CCDC60: variants seen among roughly 807,000 people sequenced by gnomAD.
The protein encoded by CCDC60 is coiled-coil domain containing 60.
A neutral mutation model predicts 63.5 loss-of-function variants in CCDC60; 54 were observed. The ratio of observed to expected loss-of-function variants is 0.85; its 90% CI spans 0.68 to 1.07. The LOEUF is 1.07. Among genes scored for constraint, CCDC60 ranks in the 50% least tolerant of loss-of-function variants. The probability of loss-of-function intolerance (pLI) is 0.00; values close to 1 mark genes in which losing one functional copy is unlikely to be tolerated. For missense variants in CCDC60, 651 were observed against 684.3 expected (o/e 0.95, Z 0.54); for synonymous variants, 206 against 238.8 (o/e 0.86, Z 1.27).
rs772611491 is a variant in CCDC60, at chr12:119,362,423, TA to T, written c.90+27160del. On this transcript the variant is annotated intron_variant, in intron 1 of 13. Transcript: ENST00000327554. The stretch of plus-strand genomic sequence containing the variant: ...CTTCTCCCTGCAATAAATAAATAAA[TA>T]AATACTACACCCACCACAGATGTAA... Among the ~76,000 whole-genome samples the T allele has an allele frequency of 7.2e-5, 11 of 152,250 alleles. No homozygotes were observed. In the East Asian group the frequency reaches 2.1e-3, roughly 29 times the overall value.
intron 7 of CCDC60, among the ~76,000 whole-genome samples, chr12:119,507,517 C>CAT (rs200782308): frequency 2.5e-5 from 3 of 119,348 alleles, no homozygotes; most frequent in Non-Finnish European, 5.0e-5. Flanking sequence ...CATATATATA[C>CAT]ATATATATAC....
At chr12:119,404,889 A>C (rs11064779) in intron 1 of CCDC60, among the ~76,000 whole-genome samples, 13,241 of 152,156 alleles carry the variant, frequency 0.087, 633 homozygotes, top group Middle Eastern at 0.16. Flanking sequence ...AAAGCTTGTG[A>C]TCTGCAAACA....
chr12:119,353,073 T>G (rs1460140151), intron 1 of CCDC60, among the ~76,000 whole-genome samples: 3 of 151,154 alleles, frequency 2.0e-5, no homozygotes, highest in South Asian at 2.1e-4. Flanking sequence ...GAGGGTGGAG[T>G]GGGGGTGAGG....
intron 2 of CCDC60, among the ~76,000 whole-genome samples, chr12:119,453,367 G>A (rs1309099847): frequency 6.6e-6 from 1 of 152,070 alleles, no homozygotes; most frequent in Non-Finnish European, 1.5e-5. Flanking sequence ...TTAAATCAAA[G>A]AAGAATTAAG....
chr12:119,461,945 T>C (rs974175987), intron 2 of CCDC60, among the ~76,000 whole-genome samples: 1 of 152,200 alleles, frequency 6.6e-6, no homozygotes, highest in Middle Eastern at 3.2e-3. Context: ...CTTCCCAAGC[T>C]CGTTGAATGA....
At chr12:119,386,652 G>A (rs906823908) in intron 1 of CCDC60, among the ~76,000 whole-genome samples, 1 of 152,184 alleles carries the variant, frequency 6.6e-6, no homozygotes, top group Non-Finnish European at 1.5e-5. Flanking sequence ...TGGAAAATGT[G>A]TAGTATTTTC....
At chr12:119,394,471 T>G (rs1240632387) in intron 1 of CCDC60, among the ~76,000 whole-genome samples, 1 of 152,232 alleles carries the variant, frequency 6.6e-6, no homozygotes, top group Non-Finnish European at 1.5e-5. Flanking sequence ...ACATACTCCG[T>G]GCCTCTGGCA....
intron 5 of CCDC60, among the ~76,000 whole-genome samples, chr12:119,496,234 C>T (rs1405617918): frequency 6.6e-6 from 1 of 152,188 alleles, no homozygotes; most frequent in African/African-American, 2.4e-5. Flanking sequence ...AGCTTTCCAC[C>T]CTGGGAAGCA....
At chr12:119,411,725 A>C (rs1956604953) in intron 1 of CCDC60, among the ~76,000 whole-genome samples, 1 of 152,118 alleles carries the variant, frequency 6.6e-6, no homozygotes, top group Non-Finnish European at 1.5e-5. Context: ...AGAGGTGGAA[A>C]GAAAGTCAGA....
chr12:119,396,425 C>T (rs537319506), intron 1 of CCDC60, among the ~76,000 whole-genome samples: 20 of 152,210 alleles, frequency 1.3e-4, no homozygotes, highest in African/African-American at 4.6e-4. Flanking sequence ...CAGTGGGAAC[C>T]TAGGAGACCA....
At chr12:119,498,556 C>G (rs185767952) in intron 5 of CCDC60, among the ~76,000 whole-genome samples, 2 of 152,082 alleles carry the variant, frequency 1.3e-5, no homozygotes, top group African/African-American at 4.8e-5. Context: ...AGGCTGGTCT[C>G]GAACTTCTCA....
At chr12:119,369,180 T>C (rs1955873654) in intron 1 of CCDC60, among the ~76,000 whole-genome samples, 1 of 152,164 alleles carries the variant, frequency 6.6e-6, no homozygotes, top group African/African-American at 2.4e-5. Flanking sequence ...AGGCCTTCCT[T>C]TCCTGTGCTG....
intron 13 of CCDC60, among the ~76,000 whole-genome samples, chr12:119,539,857 T>C (rs1017399097): frequency 6.6e-6 from 1 of 152,196 alleles, no homozygotes; most frequent in Non-Finnish European, 1.5e-5. Context: ...GTGGAGACCA[T>C]GGGAAAAGCG....
intron 1 of CCDC60, among the ~76,000 whole-genome samples, chr12:119,413,600 T>A (rs1196599272): frequency 6.6e-6 from 1 of 152,190 alleles, no homozygotes; most frequent in Non-Finnish European, 1.5e-5. Context: ...GTGTACCAAG[T>A]GGGCCTCTCA....
In CCDC60 at chr12:119,492,068, T is replaced by C. The variant is rs760160931; in HGVS notation, c.557+3202T>C. Among the ~76,000 whole-genome samples the C allele has an allele frequency of 2.6e-5, 4 of 152,162 alleles. No homozygotes were observed. The East Asian group carries it at 7.7e-4, about 29-fold the overall frequency. ...AGCGCTCCGAGGATGCCCAGCTCTATAAAATCAGAACCTGAACCAGACCTA... is the reference window on the plus strand; with the variant it reads ...AGCGCTCCGAGGATGCCCAGCTCTACAAAATCAGAACCTGAACCAGACCTA... On this transcript the variant is annotated intron_variant, in intron 5 of 13. Transcript: ENST00000327554.
At chr12:119,526,100 A>C (rs1477200212) in intron 11 of CCDC60, among the ~76,000 whole-genome samples, 1 of 152,210 alleles carries the variant, frequency 6.6e-6, no homozygotes, top group Non-Finnish European at 1.5e-5. Context: ...GAGAGCCCAG[A>C]GTAAGGCTGC....
chr12:119,445,844 C>T (rs568615442), intron 2 of CCDC60, among the ~76,000 whole-genome samples: 18 of 152,184 alleles, frequency 1.2e-4, no homozygotes, highest in African/African-American at 4.3e-4. Flanking sequence ...GAATGGAAAA[C>T]CAAATATCGT....
chr12:119,455,233 T>C (rs1358856933), intron 2 of CCDC60, among the ~76,000 whole-genome samples: 1 of 152,268 alleles, frequency 6.6e-6, no homozygotes, highest in East Asian at 1.9e-4. Context: ...GGTAGGCAAC[T>C]GGCACTTTCT....
chr12:119,482,157 C>G (rs527412994), intron 4 of CCDC60, among the ~76,000 whole-genome samples: 1 of 138,372 alleles, frequency 7.2e-6, no homozygotes, highest in African/African-American at 2.5e-5. Context: ...CACACACACA[C>G]ATACACACAC....
Sources: gnomAD v4.1 joint callset for allele counts (sites outside exome capture counted in the v4.1 genomes callset) on GRCh38, gnomAD v4.1.1 for gene constraint, MANE v1.5 for transcripts, NCBI Gene and HGNC (gene_info 2026-07-23, HGNC 2026-07-21) for gene names.